The following PCDHGA1 variants were observed in gnomAD, a reference collection of about 807,000 sequenced individuals.
PCDHGA1 encodes the protein protocadherin gamma-A1.
Under a neutral mutation model 58.0 loss-of-function variants are expected in PCDHGA1, and 32 were observed. The observed-to-expected ratio is 0.55, with a 90% CI of 0.42 to 0.74. PCDHGA1 has a LOEUF of 0.74. Among genes scored for constraint, PCDHGA1 ranks in the 30% least tolerant of loss-of-function variants. PCDHGA1 has a pLI of 0.00. For synonymous variants in PCDHGA1, 498 were observed against 501.1 expected, an observed-to-expected ratio of 0.99 and a Z score of 0.08; for missense variants, 1,205 against 1,182.3, an observed-to-expected ratio of 1.02 and a Z score of -0.28.
chr5:141,416,412 A>G (rs1391280535), intron 1 of PCDHGA1: 1 of 152,182 alleles, frequency 6.6e-6, no homozygotes, highest in Non-Finnish European at 1.5e-5. Flanking sequence ...TTTTTGTTAA[A>G]TTTTCTAGTG....
rs1311776295 is a variant in PCDHGA1, at chr5:141,487,582, C to G, written c.2422-7225C>G. 1.2e-6 allele frequency: 2 copies of G among 1,614,088 alleles called. No homozygotes were observed. The highest frequency in any genetic ancestry group is 2.7e-5 in the African/African-American group (2 of 74,934). ...TGGCAGGGGAGCCTGTTCGCCCAAG[C>G]TGCCCACCCTCTGATCTTCTCTATG... is the stretch of plus-strand genomic sequence containing the variant. On this transcript the variant is annotated intron_variant, in intron 1 of 3. Transcript: ENST00000517417. The surrounding 1 kb of genome is among the most constrained non-coding windows in gnomAD (Gnocchi z 5.0).
chr5:141,401,815 C>G (rs1217081146), intron 1 of PCDHGA1, among the ~76,000 whole-genome samples: 1 of 152,184 alleles, frequency 6.6e-6, no homozygotes, highest in Non-Finnish European at 1.5e-5. Flanking sequence ...GGGTTCCTTA[C>G]AAAGTGCTGA....
chr5:141,468,131 C>G (rs1006565854), intron 1 of PCDHGA1, among the ~76,000 whole-genome samples: 1 of 151,766 alleles, frequency 6.6e-6, no homozygotes, highest in African/African-American at 2.4e-5. Flanking sequence ...TTGAGACCAG[C>G]CTGGCCAACA....
intron 1 of PCDHGA1, chr5:141,376,017 C>G: frequency 6.2e-7 from 1 of 1,613,290 alleles, no homozygotes; most frequent in Middle Eastern, 1.7e-4. Flanking sequence ...CTAGTGGTGG[C>G]CGTCCAGGAC....
chr5:141,415,113 C>T, intron 1 of PCDHGA1: 1 of 1,613,642 alleles, frequency 6.2e-7, no homozygotes, highest in Middle Eastern at 1.7e-4. Context: ...AGCAAAGCCT[C>T]GTAGTGGCCG....
Position 141,365,841 on chromosome 5 carries a change from A to G in PCDHGA1, c.2421+32736A>G, listed in dbSNP as rs765506735. 13 of 1,613,714 alleles carry G rather than the reference A, an allele frequency of 8.1e-6. No individual in the cohort carries two copies. The Admixed American group carries it at 8.3e-5, about 10-fold the overall frequency. On this transcript the variant is annotated intron_variant, in intron 1 of 3. Coordinates refer to ENST00000517417, the MANE Select transcript of PCDHGA1 (RefSeq NM_018912.3). ...TTTCAGGGGGCGCCCTTGTCCTCCT[A>G]TGTATCCATTAACTCTGACACCGGT... is the stretch of plus-strand genomic sequence containing the variant.
intron 1 of PCDHGA1, chr5:141,391,690 A>AC (rs1231042361): frequency 6.6e-6 from 1 of 152,236 alleles, no homozygotes; most frequent in African/African-American, 2.4e-5. Flanking sequence ...TTCATCTGCT[A>AC]CGTTGCCCAG....
chr5:141,379,723 G>A (rs1250250274), intron 1 of PCDHGA1: 1 of 152,038 alleles, frequency 6.6e-6, no homozygotes, highest in Non-Finnish European at 1.5e-5. Context: ...CATGGAATTT[G>A]CTAAGTTATG....
At position 141,344,041 on chromosome 5, in the gene PCDHGA1, A is replaced by G. The variant is rs1366444315; in HGVS notation, c.2421+10936A>G. ...CGATTCACCGAAAAGGAAATGACCA[A>G]TTGCCTGAGTTTCCGAAATGGCAGA... On this transcript the variant is annotated intron_variant, in intron 1 of 3. Transcript: ENST00000517417. 5 of 1,553,536 alleles carry G rather than the reference A, an allele frequency of 3.2e-6. No homozygotes were observed. Among genetic ancestry groups the G allele is most frequent in the African/African-American group, 1.4e-5 (1 of 72,640 alleles).
intron 1 of PCDHGA1, chr5:141,355,053 G>A (rs1759700050): frequency 2.5e-6 from 3 of 1,205,186 alleles, no homozygotes; most frequent in Non-Finnish European, 3.4e-6. Flanking sequence ...ACAAAGCACT[G>A]GCTCTGGAGC....
chr5:141,359,233 G>A (rs1200901536), intron 1 of PCDHGA1, among the ~76,000 whole-genome samples: 2 of 152,030 alleles, frequency 1.3e-5, no homozygotes, highest in East Asian at 3.8e-4. Flanking sequence ...AGGAGAGATT[G>A]TTTAAAGTAA....
intron 1 of PCDHGA1, chr5:141,427,369 C>T (rs1333238163): frequency 4.4e-6 from 2 of 457,834 alleles, no homozygotes; most frequent in Non-Finnish European, 8.8e-6. Flanking sequence ...GAACCCTGGA[C>T]GGTGATCACT....
chr5:141,394,269 C>T (rs367765478), intron 1 of PCDHGA1: 2 of 1,613,948 alleles, frequency 1.2e-6, no homozygotes, highest in Admixed American at 3.3e-5. Context: ...GGAGAATGCC[C>T]AGGTCACTTA....
rs1562150111 is a variant in PCDHGA1, at chr5:141,491,805, T to G, written c.2422-3002T>G. 1 of 1,495,892 alleles carries G rather than the reference T, an allele frequency of 6.7e-7. No homozygotes were observed. 92.7% of individuals were successfully genotyped at this position (1,495,892 alleles called of 1,614,324 possible). A position where few individuals can be genotyped will look rare whatever the true frequency, so the allele number is the denominator to read the frequency against. On this transcript the variant is annotated intron_variant, in intron 1 of 3. Coordinates refer to ENST00000517417, the MANE Select transcript of PCDHGA1 (RefSeq NM_018912.3). This position sits in a 1 kb window ranked among gnomAD's most constrained non-coding sequence, Gnocchi z 6.9. ...TGCATCCACTCCTCTCCGGCCGGCT[T>G]GGTCGCTGGCTGCGCTCCACCCGAT... is the stretch of plus-strand genomic sequence containing the variant.
intron 1 of PCDHGA1, chr5:141,362,094 A>G (rs749569389): frequency 6.2e-7 from 1 of 1,613,384 alleles, no homozygotes; most frequent in East Asian, 2.2e-5. Context: ...GACAGCCGCC[A>G]CTCTCCGCTA....
chr5:141,359,944 G>A (rs533641338), intron 1 of PCDHGA1: 7 of 508,210 alleles, frequency 1.4e-5, no homozygotes, highest in African/African-American at 1.2e-4. Flanking sequence ...CGTCGCTGTT[G>A]GTCAAAAGAA....
At chr5:141,400,415 T>C (rs1054517262) in intron 1 of PCDHGA1, 16 of 1,614,080 alleles carry the variant, frequency 9.9e-6, no homozygotes, top group Non-Finnish European at 1.3e-5. Flanking sequence ...TTTAATTTCC[T>C]AAAATGTAGT....
intron 1 of PCDHGA1, chr5:141,393,035 CTT>C: frequency 6.2e-7 from 1 of 1,613,790 alleles, no homozygotes; most frequent in South Asian, 1.1e-5. Flanking sequence ...GGACGCAGCT[CTT>C]TGCTCTGAAC....
chr5:141,476,521 C>T lies in PCDHGA1; in HGVS notation c.2422-18286C>T. On this transcript the variant is annotated intron_variant, in intron 1 of 3. Transcript: ENST00000517417. The surrounding 1 kb of genome is among the most constrained non-coding windows in gnomAD (Gnocchi z 7.6). ...ACATCAACGACAACAATCCTGCTTT[C>T]CCTACCCAGGAAATGAAATTGGAGA... 4 of 1,614,214 alleles carry T rather than the reference C, an allele frequency of 2.5e-6. No homozygotes were observed. The highest frequency in any genetic ancestry group is 3.4e-6 in the Non-Finnish European group (4 of 1,180,036).
Sources: allele counts gnomAD v4.1 joint callset (sites outside exome capture counted in the v4.1 genomes callset), GRCh38; gene constraint gnomAD v4.1.1; non-coding constraint Gnocchi (gnomAD v3.1); transcripts MANE v1.5; gene names NCBI Gene and HGNC (gene_info 2026-07-23, HGNC 2026-07-21).